The following AK7 variants were observed in gnomAD, a reference collection of about 807,000 sequenced individuals.
AK7 encodes the protein ATP-AMP transphosphorylase 7.
A neutral mutation model predicts 96.6 loss-of-function variants in AK7; 78 were observed. The ratio of observed to expected loss-of-function variants is 0.81; its 90% CI spans 0.67 to 0.97. AK7 has a LOEUF of 0.97. AK7 is among the 50% of genes least tolerant of loss of function. The probability of loss-of-function intolerance (pLI) is 0.00; values close to 1 mark genes in which losing one functional copy is unlikely to be tolerated. For synonymous variants in AK7, 302 were observed against 317.2 expected, an observed-to-expected ratio of 0.95 and a Z score of 0.51; for missense variants, 855 against 887.9, an observed-to-expected ratio of 0.96 and a Z score of 0.47.
intron 1 of AK7, among the ~76,000 whole-genome samples, 156 bp downstream of exon 1, chr14:96,392,415 G>A (rs3742472): frequency 0.027 from 4,165 of 152,304 alleles, 158 homozygotes; most frequent in African/African-American, 0.079. Flanking sequence ...AATGCCCCCT[G>A]GACCCCAGTC....
chr14:96,420,954 A>G, intron 5 of AK7, 22 bp downstream of exon 5: 2 of 1,468,228 alleles, frequency 1.4e-6, no homozygotes, highest in Non-Finnish European at 1.9e-6. Context: ...ATAGTGGAAC[A>G]TGGACATCAT....
intron 12 of AK7, among the ~76,000 whole-genome samples, chr14:96,469,045 T>C (rs907270441): frequency 6.6e-6 from 1 of 152,082 alleles, no homozygotes; most frequent in Non-Finnish European, 1.5e-5. Flanking sequence ...AAGCATCCCA[T>C]AATTACCAAA....
At chr14:96,435,206 G>T (rs2140077110) in intron 5 of AK7, among the ~76,000 whole-genome samples, 1 of 152,266 alleles carries the variant, frequency 6.6e-6, no homozygotes, top group Non-Finnish European at 1.5e-5. Context: ...CTGGGAATGT[G>T]CTGAATCTCA....
chr14:96,395,741 AAAAG>A (rs1890033729), intron 1 of AK7, among the ~76,000 whole-genome samples: 2 of 147,348 alleles, frequency 1.4e-5, no homozygotes, highest in African/African-American at 5.0e-5. Context: ...AAAAAAAAAA[AAAAG>A]AATGAGGGAA....
intron 15 of AK7, among the ~76,000 whole-genome samples, chr14:96,478,973 A>G (rs1895353247): frequency 1.3e-5 from 2 of 151,812 alleles, no homozygotes; most frequent in Admixed American, 1.3e-4. Context: ...CAGTGGTGCA[A>G]TCTTGGCTCA....
intron 16 of AK7, among the ~76,000 whole-genome samples, chr14:96,485,776 A>G (rs113381901): frequency 0.013 from 1,994 of 151,744 alleles, 40 homozygotes; most frequent in African/African-American, 0.046. Context: ...CCTCCTTTCA[A>G]ACAAATATCA....
chr14:96,462,160 G>A (rs1489928053), intron 12 of AK7, among the ~76,000 whole-genome samples: 1 of 152,162 alleles, frequency 6.6e-6, no homozygotes, highest in Non-Finnish European at 1.5e-5. Flanking sequence ...ATGTAAGAGG[G>A]GCCCTGGGAG....
intron 14 of AK7, among the ~76,000 whole-genome samples, chr14:96,475,310 A>T (rs1895113375): frequency 6.6e-6 from 1 of 152,166 alleles, no homozygotes; most frequent in Non-Finnish European, 1.5e-5. Context: ...AATAATTTAC[A>T]CTTAGGATTC....
At chr14:96,477,318 A>C (rs886526098) in intron 14 of AK7, among the ~76,000 whole-genome samples, 3 of 152,160 alleles carry the variant, frequency 2.0e-5, no homozygotes, top group Non-Finnish European at 2.9e-5. Flanking sequence ...CATTACACTT[A>C]CCTTTTTCAC....
chr14:96,398,624 G>A (rs923884336), intron 2 of AK7: 4 of 253,822 alleles, frequency 1.6e-5, no homozygotes, highest in Non-Finnish European at 3.1e-5. Flanking sequence ...GCTTACGCCT[G>A]TAATCCCAGC....
chr14:96,440,929 A>G (rs1048659791), intron 6 of AK7, among the ~76,000 whole-genome samples: 1 of 151,786 alleles, frequency 6.6e-6, no homozygotes, highest in African/African-American at 2.4e-5. Flanking sequence ...TTCGGAGGCC[A>G]GTGTGAGTGG....
Position 96,451,469 on chromosome 14 carries a change from T to A in AK7, c.997T>A (p.Phe333Ile), listed in dbSNP as rs760914649. The A allele has an allele frequency of 3.1e-6, 5 of 1,598,474 alleles. No individual in the cohort carries two copies. The highest frequency in any genetic ancestry group is 3.4e-6 in the Non-Finnish European group (4 of 1,171,520). ...LLVNLRMEAL[F>I]VKENFNIRWA... is the part of the protein sequence containing the mutation. ...GGTCAACTTAAGAATGGAAGCGCTC[T>A]TTGTGAAGGAGAATTTTAATATTCG... is the stretch of plus-strand genomic sequence containing the variant. The change falls in exon 10 of 18, where the codon TTT becomes ATT. Residue 333 changes from phenylalanine (F) to isoleucine (I), a missense_variant. Transcript: ENST00000267584.
chr14:96,419,815 T>C (rs1163732321), intron 4 of AK7, among the ~76,000 whole-genome samples: 1 of 128,998 alleles, frequency 7.8e-6, no homozygotes, highest in Non-Finnish European at 1.6e-5. Flanking sequence ...TGAGACAAAG[T>C]CTTGGTCTTC....
At chr14:96,488,057 C>A in intron 17 of AK7, 1 of 403,130 alleles carries the variant, frequency 2.5e-6, no homozygotes, top group Non-Finnish European at 4.7e-6. Context: ...GGATTACAGG[C>A]GCCTGCCACC....
chr14:96,403,785 C>T (rs1479774809), intron 2 of AK7, among the ~76,000 whole-genome samples: 1 of 152,158 alleles, frequency 6.6e-6, no homozygotes, highest in East Asian at 1.9e-4. Flanking sequence ...TCTCTTAATG[C>T]ACTCAAGGTA....
At chr14:96,414,757 C>CTTTTTTTTTTTTTTTTTTTTTTT (rs10694621) in intron 4 of AK7, among the ~76,000 whole-genome samples, 1 of 100,128 alleles carries the variant, frequency 1.0e-5, no homozygotes, top group African/African-American at 3.9e-5. Flanking sequence ...AGGATTCCTT[C>CTTTTTTTTTTTTTTTTTTTTTTT]TTTTTTTTTT....
In AK7 at chr14:96,472,808, G is replaced by GT. The variant is rs1355677347; in HGVS notation, c.1555+54dup. On this transcript the variant is annotated intron_variant, in intron 14 of 17. Coordinates refer to ENST00000267584, the MANE Select transcript of AK7 (RefSeq NM_152327.5). Reference sequence around the variant, plus strand: ...TAAAAGAATGTTCTCTGGGCTGGGCGTGGTGGCTCACGCCTGTAATCTCAG... The same window carrying GT: ...TAAAAGAATGTTCTCTGGGCTGGGCGTTGGTGGCTCACGCCTGTAATCTCAG... 20 of 1,502,516 alleles carry GT rather than the reference G, an allele frequency of 1.3e-5. No individual in the cohort carries two copies. In the East Asian group the frequency reaches 4.6e-4, roughly 35 times the overall value. 93.1% of individuals were successfully genotyped at this position (1,502,516 alleles called of 1,614,324 possible).
At position 96,446,555 on chromosome 14, in the gene AK7, A is replaced by G. The variant is rs145404707; in HGVS notation, c.818A>G (p.His273Arg). ...GTCATAGATCACGTGCCAAAGCCTC[A>G]CTACCTGGTTGCTGTGGATGAGTCT... The part of the protein sequence containing the change: ...QNVIDHVPKP[H>R]YLVAVDESVH... The change falls in exon 8 of 18, where the codon CAC becomes CGC. Residue 273 changes from histidine to arginine, a missense_variant. By Grantham distance (29) the His-to-Arg change is conservative. Transcript: ENST00000267584. The G allele has an allele frequency of 7.4e-5, 120 of 1,614,146 alleles. No individual in the cohort carries two copies. In the African/African-American group the frequency reaches 1.5e-3, roughly 20 times the overall value.
At chr14:96,468,830 A>AT (rs772885294) in intron 12 of AK7, among the ~76,000 whole-genome samples, 1,963 of 145,366 alleles carry the variant, frequency 0.014, 34 homozygotes, top group African/African-American at 0.043. Flanking sequence ...GATACATTTA[A>AT]TTTTTTTTTT....
Sources: allele counts gnomAD v4.1 joint callset (sites outside exome capture counted in the v4.1 genomes callset), GRCh38; gene constraint gnomAD v4.1.1; transcripts MANE v1.5; gene names NCBI Gene and HGNC (gene_info 2026-07-23, HGNC 2026-07-21).